Variants in BBS10 observed in about 807,000 individuals in gnomAD.
BBS10 encodes Bardet-Biedl syndrome 10, also known as BBSome complex assembly protein BBS10.
BBS10 carries 13 observed loss-of-function variants against 12.7 expected under a neutral mutation model. The ratio of observed to expected loss-of-function variants is 1.03; its 90% CI spans 0.67 to 1.63. The LOEUF is 1.63. Among genes scored for constraint, BBS10 ranks in the 40% most tolerant of loss-of-function variants. BBS10 has a pLI of 0.00. For synonymous variants in BBS10, 294 were observed against 304.8 expected (o/e 0.96, Z 0.37); for missense variants, 858 against 858.0 (o/e 1.00, Z 0.00).
rs746513661 is a variant in BBS10 at position 76,346,642 on chromosome 12, T to C, written c.1343A>G (p.Tyr448Cys). ...DQNGTSSLFIYKNSGESYQAP... is the reference protein window; with the variant it reads ...DQNGTSSLFICKNSGESYQAP... ...TTGATAACTTTCTCCACTGTTCTTA[T>C]AAATAAAAAGACTTGAAGTGCCATT... Residue 448 changes from tyrosine (Y) to cysteine (C), a missense_variant, in exon 2 of 2, where the codon TAT becomes TGT. Tyr to Cys is a radical substitution (Grantham distance 194). Transcript: ENST00000650064. 1 of 1,614,038 alleles carries C rather than the reference T, an allele frequency of 6.2e-7. No homozygotes were observed. Among genetic ancestry groups the C allele is most frequent in the Non-Finnish European group, 8.5e-7 (1 of 1,179,938 alleles).
rs1191212172 is a variant in BBS10 at position 76,348,347 on chromosome 12, A to T, written c.12T>A (p.Ser4=). MLS[S]MAAAGSVKAA... ...CCTTCACAGACCCTGCAGCGGCCAT[A>T]GAACTTAACATATCTGGGCCGCTTC... Residue 4 remains serine, a synonymous_variant, in exon 1 of 2, where the codon TCT becomes TCA. Transcript: ENST00000650064. The T allele has an allele frequency of 1.3e-6, 2 of 1,591,818 alleles. No individual in the cohort carries two copies. Among genetic ancestry groups the T allele is most frequent in the Non-Finnish European group, 8.6e-7 (1 of 1,168,674 alleles).
Position 76,345,665 on chromosome 12 carries a change from T to G in BBS10, c.*148A>C. 1.4e-6 allele frequency: 1 copy of G among 711,836 alleles called. No homozygotes were observed. Among genetic ancestry groups the G allele is most frequent in the African/African-American group, 1.8e-5 (1 of 56,132 alleles). The allele number at this position is 711,836 out of a possible 1,614,324, so 44.1% of individuals were successfully genotyped here. A position where few individuals can be genotyped will look rare whatever the true frequency, so the allele number is the denominator to read the frequency against. On this transcript the variant is annotated 3_prime_UTR_variant, in exon 2 of 2. Coordinates refer to ENST00000650064, the MANE Select transcript of BBS10 (RefSeq NM_024685.4). ...AGTAATTTAATATTTGTATCTGGTC[T>G]GGTGACCTTAGTGTGCTTCTTCTAA...
rs775342373 is a variant in BBS10 at position 76,347,574 on chromosome 12, C to A, written c.411G>T (p.Gln137His). 4.4e-5 allele frequency: 71 copies of A among 1,613,606 alleles called. No individual in the cohort carries two copies. Among genetic ancestry groups the A allele is most frequent in the Non-Finnish European group, 5.8e-5 (68 of 1,179,992 alleles). Residue 137 changes from glutamine to histidine, a missense_variant, in exon 2 of 2, where the codon CAG (glutamine) becomes CAT (histidine). Coordinates refer to ENST00000650064, the MANE Select transcript of BBS10 (RefSeq NM_024685.4). ...CCATAATACCGTCTAATATTTGTGT[C>A]TGAAACGTTAGGAGAGCCTGGGAAA... ...KFISQALLTF[Q>H]TQILDGIMDQ...
rs1204087101 is a variant in BBS10, at chr12:76,345,179, G to A, written c.*634C>T. On this transcript the variant is annotated 3_prime_UTR_variant, in exon 2 of 2. Transcript: ENST00000650064. Reference sequence around the variant, plus strand: ...TATTTCAGGTAACATATATTCAAAGGTATATCAAAGGTGAAAATCTATCCA... The same window carrying A: ...TATTTCAGGTAACATATATTCAAAGATATATCAAAGGTGAAAATCTATCCA... The A allele has an allele frequency of 6.6e-6, 1 of 152,202 alleles. No individual in the cohort carries two copies. The highest frequency in any genetic ancestry group is 1.5e-5 in the Non-Finnish European group (1 of 68,156). The allele number at this position is 152,202 out of a possible 1,614,324, so 9.4% of individuals were successfully genotyped here.
intron 1 of BBS10, 144 bp from the exon 2 acceptor site, chr12:76,347,931 C>T: frequency 9.3e-7 from 1 of 1,080,350 alleles, no homozygotes; most frequent in Non-Finnish European, 1.3e-6. Context: ...GGAAAAAACT[C>T]TGCTCTATTC....
chr12:76,347,788 C>T lies in BBS10; in HGVS notation c.198-1G>A. 1 of 1,600,304 alleles carries T rather than the reference C, an allele frequency of 6.2e-7. No homozygotes were observed. Among genetic ancestry groups the T allele is most frequent in the Non-Finnish European group, 8.5e-7 (1 of 1,179,700 alleles). On this transcript the variant is annotated splice_acceptor_variant, in intron 1 of 1. Coordinates refer to ENST00000650064, the MANE Select transcript of BBS10 (RefSeq NM_024685.4). LOFTEE classifies it high-confidence loss of function. ...ACTGGAAACACAGTCCACTATCATC[C>T]TGTACAAAAAAGAAATAAAGCAACT...
In BBS10 at chr12:76,347,314, C is replaced by G. The variant is rs779263859; in HGVS notation, c.671G>C (p.Gly224Ala). Residue 224 changes from glycine to alanine, a missense_variant, in exon 2 of 2, where the codon GGT becomes GCT. Coordinates refer to ENST00000650064, the MANE Select transcript of BBS10 (RefSeq NM_024685.4). ...VDDHFVELNV[G>A]VTGLPVSDSR... ...ATCTGAAACAGGAAGGCCAGTGACA[C>G]CAACATTCAACTCTACAAAATGGTC... 3 of 1,614,008 alleles carry G rather than the reference C, an allele frequency of 1.9e-6. No individual in the cohort carries two copies. Among genetic ancestry groups the G allele is most frequent in the Non-Finnish European group, 2.5e-6 (3 of 1,180,034 alleles).
In BBS10 at chr12:76,346,389, C is replaced by G. The variant is rs1332608574; in HGVS notation, c.1596G>C (p.Arg532Ser). The G allele has an allele frequency of 2.5e-6, 4 of 1,614,006 alleles. No homozygotes were observed. In the Admixed American group the frequency reaches 6.7e-5, roughly 27 times the overall value. ...GTAATGGTTCATAATAATCAGTTAGCCTGTTTCTTTCCAAAGACAAACATG... is the reference window on the plus strand; with the variant it reads ...GTAATGGTTCATAATAATCAGTTAGGCTGTTTCTTTCCAAAGACAAACATG... Reference protein sequence around the residue: ...TLTCLSLERNRLTDYYEPLLK... With the variant: ...TLTCLSLERNSLTDYYEPLLK... Residue 532 changes from arginine (R) to serine (S), a missense_variant, in exon 2 of 2, where the codon AGG becomes AGC. By Grantham distance (110) the Arg-to-Ser change is moderately radical (BLOSUM62 -1). Coordinates refer to ENST00000650064, the MANE Select transcript of BBS10 (RefSeq NM_024685.4).
rs1292242567 is a variant in BBS10 at position 76,347,791 on chromosome 12, T to C, written c.198-4A>G. ...GGAAACACAGTCCACTATCATCCTG[T>C]ACAAAAAAGAAATAAAGCAACTCAT... On this transcript the variant is annotated splice_polypyrimidine_tract_variant and splice_region_variant and intron_variant, in intron 1 of 1. Transcript: ENST00000650064. The C allele has an allele frequency of 1.9e-6, 3 of 1,599,624 alleles. No individual in the cohort carries two copies. The highest frequency in any genetic ancestry group is 4.5e-5 in the East Asian group (2 of 44,858).
chr12:76,347,517 G>C lies in BBS10; in HGVS notation c.468C>G (p.Ile156Met), dbSNP rs1233045182. 1 of 1,613,660 alleles carries C rather than the reference G, an allele frequency of 6.2e-7. No individual in the cohort carries two copies. The highest frequency in any genetic ancestry group is 8.5e-7 in the Non-Finnish European group (1 of 1,179,970). ...DQYLSRHFLS[I>M]FSSAKERTLC... Reference sequence around the variant, plus strand: ...ATGTTCTCTCTTTAGCAGACGAAAAGATAGACAAAAAGTGTCTACTTAGGT... The same window carrying C: ...ATGTTCTCTCTTTAGCAGACGAAAACATAGACAAAAAGTGTCTACTTAGGT... Residue 156 changes from isoleucine to methionine, a missense_variant, in exon 2 of 2, where the codon ATC becomes ATG. Transcript: ENST00000650064.
At position 76,346,103 on chromosome 12, in the gene BBS10, T is replaced by C. The variant is rs760505134; in HGVS notation, c.1882A>G (p.Met628Val). 20 of 1,610,034 alleles carry C rather than the reference T, an allele frequency of 1.2e-5. No individual in the cohort carries two copies. The highest frequency in any genetic ancestry group is 1.6e-4 in the Middle Eastern group (1 of 6,066). The change falls in exon 2 of 2, where the codon ATG becomes GTG. Residue 628 changes from methionine to valine, a missense_variant. Coordinates refer to ENST00000650064, the MANE Select transcript of BBS10 (RefSeq NM_024685.4). ...AKKCHQSEET[M>V]VSMIIANALL... ...GCATTAGCTATTATCATACTAACCATGGTTTCTTCTGATTGATGGCATTTT... is the reference window on the plus strand; with the variant it reads ...GCATTAGCTATTATCATACTAACCACGGTTTCTTCTGATTGATGGCATTTT...
In BBS10 at chr12:76,346,817, A is replaced by G. The variant is rs777358585; in HGVS notation, c.1168T>C (p.Cys390Arg). The change falls in exon 2 of 2, where the codon TGT (cysteine) becomes CGT (arginine). Residue 390 changes from cysteine to arginine, a missense_variant. By Grantham distance (180) the Cys-to-Arg change is radical (BLOSUM62 -3). Coordinates refer to ENST00000650064, the MANE Select transcript of BBS10 (RefSeq NM_024685.4). ...RYVHLGLIST[C>R]AFIPHSIVLC... is the part of the protein sequence containing the mutation. ...ACTATAGAGTGTGGTATAAATGCAC[A>G]TGTGCTTATCAAGCCTAGATGAACA... is the stretch of plus-strand genomic sequence containing the variant. 4 of 1,614,156 alleles carry G rather than the reference A, an allele frequency of 2.5e-6. No homozygotes were observed. In the Admixed American group the frequency reaches 6.7e-5, roughly 27 times the overall value.
At position 76,347,540 on chromosome 12, in the gene BBS10, G is replaced by A. The variant is rs758553544; in HGVS notation, c.445C>T (p.Leu149=). Residue 149 remains leucine (L), a synonymous_variant, in exon 2 of 2, where the codon CTA becomes TTA. Transcript: ENST00000650064. The stretch of plus-strand genomic sequence containing the variant: ...AAGATAGACAAAAAGTGTCTACTTA[G>A]GTACTGGTCCATAATACCGTCTAAT... ...QILDGIMDQY[L]SRHFLSIFSS... is the part of the protein sequence containing the mutation. 8.1e-6 allele frequency: 13 copies of A among 1,613,616 alleles called. No homozygotes were observed. The highest frequency in any genetic ancestry group is 2.2e-5 in the East Asian group (1 of 44,848).
chr12:76,345,786 A>T lies in BBS10; in HGVS notation c.*27T>A, dbSNP rs1345557556. The T allele has an allele frequency of 4.6e-5, 74 of 1,599,242 alleles. No homozygotes were observed. Among genetic ancestry groups the T allele is most frequent in the Non-Finnish European group, 5.6e-5 (66 of 1,169,156 alleles). On this transcript the variant is annotated 3_prime_UTR_variant, in exon 2 of 2. Transcript: ENST00000650064. The stretch of plus-strand genomic sequence containing the variant: ...TTTACTTGGCTTGAGTTAGATGAAA[A>T]GTTTGGTTAATTAAAAACTTCTGAT...
rs1222856880 is a variant in BBS10 at position 76,346,405 on chromosome 12, G to A, written c.1580C>T (p.Ser527Phe). 1 of 1,614,124 alleles carries A rather than the reference G, an allele frequency of 6.2e-7. No homozygotes were observed. Among genetic ancestry groups the A allele is most frequent in the Non-Finnish European group, 8.5e-7 (1 of 1,179,980 alleles). The change falls in exon 2 of 2, where the codon TCT (serine) becomes TTT (phenylalanine). Residue 527 changes from serine to phenylalanine, a missense_variant. Transcript: ENST00000650064. ...ATCAGTTAGCCTGTTTCTTTCCAAA[G>A]ACAAACATGTCAGCGTTTCAACTGT... ...FQTVETLTCL[S>F]LERNRLTDYY...
rs770050659 is a variant in BBS10 at position 76,347,181 on chromosome 12, A to T, written c.804T>A (p.Phe268Leu). 2 of 1,611,156 alleles carry T rather than the reference A, an allele frequency of 1.2e-6. No homozygotes were observed. Among genetic ancestry groups the T allele is most frequent in the Non-Finnish European group, 1.7e-6 (2 of 1,179,984 alleles). Residue 268 changes from phenylalanine (F) to leucine (L), a missense_variant, in exon 2 of 2, where the codon TTT (phenylalanine) becomes TTA (leucine). By Grantham distance (22) the Phe-to-Leu change is conservative. Transcript: ENST00000650064. ...VIVTETIQPLFSTSGSEFILN... is the reference protein window; with the variant it reads ...VIVTETIQPLLSTSGSEFILN... Reference sequence around the variant, plus strand: ...GAATAAACTCTGATCCAGAAGTGGAAAAAAGAGGCTGAATGGTTTCTGTTA... The same window carrying T: ...GAATAAACTCTGATCCAGAAGTGGATAAAAGAGGCTGAATGGTTTCTGTTA...
Position 76,347,434 on chromosome 12 carries a change from C to T in BBS10, c.551G>A (p.Arg184Lys), listed in dbSNP as rs371599514. The change falls in exon 2 of 2, where the codon AGA (arginine) becomes AAA (lysine). Residue 184 changes from arginine (R) to lysine (K), a missense_variant. Coordinates refer to ENST00000650064, the MANE Select transcript of BBS10 (RefSeq NM_024685.4). ...LEAYFCGRVG[R>K]NNHKFISQLM... The stretch of plus-strand genomic sequence containing the variant: ...CTGTGAAATAAATTTATGATTATTT[C>T]TTCCCACTCTTCCACAAAAGTATGC... 2.5e-6 allele frequency: 4 copies of T among 1,613,660 alleles called. No individual in the cohort carries two copies. The African/African-American group carries it at 4.0e-5, about 16-fold the overall frequency.
chr12:76,345,046 T>C lies in BBS10; in HGVS notation c.*767A>G, dbSNP rs927841524. On this transcript the variant is annotated 3_prime_UTR_variant, in exon 2 of 2. Transcript: ENST00000650064. ...AAGAAAAACCAGTAAATACATGACA[T>C]ATCCTTACAAGCTCTTGGGGTCAGG... The C allele has an allele frequency of 6.6e-6, 1 of 152,122 alleles. No individual in the cohort carries two copies. The highest frequency in any genetic ancestry group is 1.5e-5 in the Non-Finnish European group (1 of 67,986). The allele number at this position is 152,122 out of a possible 1,614,324, so 9.4% of individuals were successfully genotyped here.
chr12:76,347,896 T>C (rs1342901904), intron 1 of BBS10, 109 bp from the exon 2 acceptor site: 4 of 1,260,066 alleles, frequency 3.2e-6, no homozygotes, highest in Admixed American at 2.3e-5. Flanking sequence ...GTTCCTTGGA[T>C]ACATCCTTAG....
Sources: allele counts gnomAD v4.1 joint callset, GRCh38; gene constraint gnomAD v4.1.1; transcripts MANE v1.5; gene names NCBI Gene and HGNC (gene_info 2026-07-23, HGNC 2026-07-21).